The following CDK19 variants were observed in gnomAD, a reference collection of about 807,000 sequenced individuals.
The protein encoded by CDK19 is cyclin-dependent kinase 19.
A neutral mutation model predicts 68.3 loss-of-function variants in CDK19; 20 were observed. The ratio of observed to expected loss-of-function variants is 0.29; its 90% confidence interval spans 0.21 to 0.43. The LOEUF (loss-of-function observed/expected upper bound fraction) is 0.43. Ranked by LOEUF, CDK19 falls within the 20% of genes least tolerant of loss-of-function variation. CDK19 has a pLI of 1.00. For missense variants in CDK19, 339 were observed against 623.5 expected (o/e 0.54, Z 4.86); for synonymous variants, 221 against 222.8 (o/e 0.99, Z 0.07).
chr6:110,772,936 CA>C (rs1323671509), intron 1 of CDK19, among the ~76,000 whole-genome samples: 1 of 150,032 alleles, frequency 6.7e-6, no homozygotes, highest in East Asian at 2.0e-4. Context: ...GTCTCCATAG[CA>C]GGGCGTGGTG....
chr6:110,640,231 C>CAA (rs59703376), intron 4 of CDK19, among the ~76,000 whole-genome samples: 1,140 of 77,490 alleles, frequency 0.015, no homozygotes, highest in Non-Finnish European at 0.019. Context: ...GACCCTGTCA[C>CAA]AAAAAAAAAA....
rs140121714 is a variant in CDK19 at position 110,655,461 on chromosome 6, A to G, written c.456+11973T>C. 2.0e-5 allele frequency among the ~76,000 whole-genome samples: 3 copies of G among 152,278 alleles called. No individual in the cohort carries two copies. In the East Asian group the frequency reaches 5.8e-4, roughly 29 times the overall value. ...CTCTAACTTTCCATATATCTCAGAG[A>G]TATGTTGACAGTAGCCATTACCACA... On this transcript the variant is annotated intron_variant, in intron 4 of 12. Transcript: ENST00000368911.
intron 4 of CDK19, among the ~76,000 whole-genome samples, chr6:110,647,053 G>A (rs965280111): frequency 1.3e-5 from 2 of 151,426 alleles, no homozygotes; most frequent in African/African-American, 2.4e-5. Context: ...ACCACGACCC[G>A]ACACTATTTC....
At chr6:110,745,734 C>T (rs976866712) in intron 2 of CDK19, among the ~76,000 whole-genome samples, 2 of 151,988 alleles carry the variant, frequency 1.3e-5, no homozygotes, top group African/African-American at 2.4e-5. Flanking sequence ...TGGGAGGCCA[C>T]GGAGAGAGGA....
chr6:110,631,896 C>G (rs1262753663), intron 6 of CDK19, 134 bp downstream of exon 6: 1 of 747,370 alleles, frequency 1.3e-6, no homozygotes, highest in African/African-American at 1.8e-5. Flanking sequence ...TACCAGAAAT[C>G]TAGGAATACA....
At chr6:110,657,283 C>A (rs930629586) in intron 4 of CDK19, among the ~76,000 whole-genome samples, 2 of 152,166 alleles carry the variant, frequency 1.3e-5, no homozygotes, top group Non-Finnish European at 2.9e-5. Context: ...ATGGCCCTCC[C>A]TATAGAAGAC....
At chr6:110,762,836 GAAT>G (rs1044619903) in intron 1 of CDK19, among the ~76,000 whole-genome samples, 5 of 152,138 alleles carry the variant, frequency 3.3e-5, no homozygotes, top group African/African-American at 1.2e-4. Context: ...ATTCTTATAT[GAAT>G]AATAAGTTTC....
At chr6:110,638,567 T>A in intron 5 of CDK19, 82 bp downstream of exon 5, 2 of 741,722 alleles carry the variant, frequency 2.7e-6, no homozygotes, top group Non-Finnish European at 4.8e-6. Flanking sequence ...ATTAACTACC[T>A]AAATAAGGGC....
chr6:110,621,076 A>G lies in CDK19; in HGVS notation c.1377+28T>C. ...AAATCTTTTCCCCACTTCATAAAGC[A>G]TATGAACATTAGACATTCAGGGAGT... On this transcript the variant is annotated intron_variant, in intron 12 of 12. Transcript: ENST00000368911. The surrounding 1 kb of genome is among the most constrained non-coding windows in gnomAD (Gnocchi z 5.4). The G allele has an allele frequency of 1.3e-6, 2 of 1,590,226 alleles. No homozygotes were observed. Among genetic ancestry groups the G allele is most frequent in the Admixed American group, 1.7e-5 (1 of 57,818 alleles).
In CDK19 at chr6:110,728,882, C is replaced by G. The variant is rs1259090487; in HGVS notation, c.204+17244G>C. Reference sequence around the variant, plus strand: ...GATGCCCTAAAGTTAGATAATCTTTCTCTTGTTATCCTGCCATGATACTAG... The same window carrying G: ...GATGCCCTAAAGTTAGATAATCTTTGTCTTGTTATCCTGCCATGATACTAG... On this transcript the variant is annotated intron_variant, in intron 2 of 12. Coordinates refer to ENST00000368911, the MANE Select transcript of CDK19 (RefSeq NM_015076.5). Among the ~76,000 whole-genome samples the G allele has an allele frequency of 2.0e-5, 3 of 152,288 alleles. No individual in the cohort carries two copies. The East Asian group carries it at 5.8e-4, about 29-fold the overall frequency.
intron 1 of CDK19, among the ~76,000 whole-genome samples, chr6:110,779,153 T>G (rs983483649): frequency 1.3e-5 from 2 of 152,152 alleles, no homozygotes; most frequent in African/African-American, 4.8e-5. Context: ...TGATTCCTTA[T>G]CTTTCATGAT....
At chr6:110,769,646 A>C (rs902071178) in intron 1 of CDK19, among the ~76,000 whole-genome samples, 2 of 151,678 alleles carry the variant, frequency 1.3e-5, no homozygotes, top group Non-Finnish European at 2.9e-5. Flanking sequence ...TCTACTTTCT[A>C]CTCCAGGTTT....
chr6:110,758,825 C>T (rs1389366306), intron 1 of CDK19, among the ~76,000 whole-genome samples: 1 of 152,072 alleles, frequency 6.6e-6, no homozygotes, highest in East Asian at 1.9e-4. Context: ...TCTTAAATCC[C>T]ACCCTGTCAG....
intron 2 of CDK19, among the ~76,000 whole-genome samples, chr6:110,732,819 C>T (rs1776860618): frequency 6.6e-6 from 1 of 152,062 alleles, no homozygotes; most frequent in Non-Finnish European, 1.5e-5. Flanking sequence ...AATCCCAGCA[C>T]TTTGTGGAGG....
chr6:110,642,772 C>A (rs1159262316), intron 4 of CDK19, among the ~76,000 whole-genome samples: 1 of 150,932 alleles, frequency 6.6e-6, no homozygotes, highest in African/African-American at 2.4e-5. Flanking sequence ...TGGGAGAAAC[C>A]CTGTCTTTGA....
chr6:110,777,244 T>G (rs910644902), intron 1 of CDK19, among the ~76,000 whole-genome samples: 1 of 152,164 alleles, frequency 6.6e-6, no homozygotes, highest in Non-Finnish European at 1.5e-5. Context: ...ACTAAAAGAA[T>G]TAGAACTTTT....
chr6:110,623,468 C>A, intron 8 of CDK19, 106 bp from the exon 9 acceptor site: 2 of 1,448,008 alleles, frequency 1.4e-6, no homozygotes, highest in Admixed American at 2.5e-5. Flanking sequence ...GTGTTTAAGT[C>A]ATTGTTTTTT....
intron 2 of CDK19, among the ~76,000 whole-genome samples, chr6:110,681,872 T>C (rs757475909): frequency 1.3e-5 from 2 of 152,214 alleles, no homozygotes; most frequent in Non-Finnish European, 2.9e-5. Context: ...GCCAATATTT[T>C]ATCTGAGCTC....
chr6:110,614,268 T>A lies in CDK19; in HGVS notation c.*267A>T, dbSNP rs954475151. On this transcript the variant is annotated 3_prime_UTR_variant, in exon 13 of 13. Coordinates refer to ENST00000368911, the MANE Select transcript of CDK19 (RefSeq NM_015076.5). Reference sequence around the variant, plus strand: ...AAAGAAATGCTGAAGGTTACAGAAGTGCTGGGATTAGATCAGACGCTTTAT... The same window carrying A: ...AAAGAAATGCTGAAGGTTACAGAAGAGCTGGGATTAGATCAGACGCTTTAT... The A allele has an allele frequency of 9.8e-6, 3 of 307,532 alleles. No homozygotes were observed. Among genetic ancestry groups the A allele is most frequent in the Non-Finnish European group, 1.8e-5 (3 of 165,466 alleles). 19.1% of individuals were successfully genotyped at this position (307,532 alleles called of 1,614,324 possible). A position where few individuals can be genotyped will look rare whatever the true frequency, so the allele number is the denominator to read the frequency against.
Sources: allele counts gnomAD v4.1 joint callset (sites outside exome capture counted in the v4.1 genomes callset), GRCh38; gene constraint gnomAD v4.1.1; non-coding constraint Gnocchi (gnomAD v3.1); transcripts MANE v1.5; gene names NCBI Gene and HGNC (gene_info 2026-07-23, HGNC 2026-07-21).